The following CEP350 variants were observed in gnomAD, a reference collection of about 807,000 sequenced individuals.
The protein encoded by CEP350 is centrosome-associated protein 350.
CEP350 carries 126 observed loss-of-function variants against 331.8 expected under a neutral mutation model. The observed-to-expected ratio is 0.38, with a 90% CI of 0.33 to 0.44. CEP350 has a LOEUF of 0.44. CEP350 is among the 20% of genes least tolerant of loss of function. The probability of loss-of-function intolerance (pLI) is 1.00; values close to 1 mark genes in which losing one functional copy is unlikely to be tolerated. For synonymous variants in CEP350, 1,200 were observed against 1,259.5 expected, an observed-to-expected ratio of 0.95 and a Z score of 1.00; for missense variants, 3,406 against 3,634.6, an observed-to-expected ratio of 0.94 and a Z score of 1.62.
At position 180,093,573 on chromosome 1, in the gene CEP350, A is replaced by G. The variant is rs759492398; in HGVS notation, c.7468A>G (p.Thr2490Ala). The stretch of plus-strand genomic sequence containing the variant: ...ATCCCCTTCCTTGGCTTCAGTTCCT[A>G]CTGCAGACGAGTTATTTGATTTCCA... ...TESPSLASVP[T>A]ADELFDFHIG... The change falls in exon 34 of 38, where the codon ACT becomes GCT. Residue 2490 changes from threonine to alanine, a missense_variant. Coordinates refer to ENST00000367607, the MANE Select transcript of CEP350 (RefSeq NM_014810.5). 1.2e-6 allele frequency: 2 copies of G among 1,613,814 alleles called. No homozygotes were observed. The highest frequency in any genetic ancestry group is 1.3e-5 in the African/African-American group (1 of 74,940).
At chr1:180,078,930 A>T (rs1659402160) in intron 29 of CEP350, among the ~76,000 whole-genome samples, 1 of 152,204 alleles carries the variant, frequency 6.6e-6, no homozygotes, top group South Asian at 2.1e-4. Context: ...CTTTATGAAA[A>T]ACAGTTTGTA....
At chr1:180,057,493 C>G (rs1395030790) in intron 25 of CEP350, among the ~76,000 whole-genome samples, 1 of 150,678 alleles carries the variant, frequency 6.6e-6, no homozygotes, top group Non-Finnish European at 1.5e-5. Flanking sequence ...ATGTGTGCCT[C>G]TATTATTACT....
Position 180,014,099 on chromosome 1 carries a change from T to C in CEP350, c.1646T>C (p.Val549Ala). The part of the protein sequence containing the change: ...STAHTAKQDT[V>A]ELQNQKSSAP... ...GCTCACACTGCAAAGCAAGATACTGTAGAGTTACAGAACCAGAAGTCATCA... is the reference window on the plus strand; with the variant it reads ...GCTCACACTGCAAAGCAAGATACTGCAGAGTTACAGAACCAGAAGTCATCA... The change falls in exon 10 of 38, where the codon GTA becomes GCA. Residue 549 changes from valine (V) to alanine (A), a missense_variant. Transcript: ENST00000367607. The C allele has an allele frequency of 1.2e-6, 2 of 1,611,270 alleles. No individual in the cohort carries two copies. Among genetic ancestry groups the C allele is most frequent in the Non-Finnish European group, 1.7e-6 (2 of 1,178,600 alleles).
At chr1:180,043,461 G>A (rs910731902) in intron 20 of CEP350, among the ~76,000 whole-genome samples, 1 of 152,196 alleles carries the variant, frequency 6.6e-6, no homozygotes, top group Non-Finnish European at 1.5e-5. Context: ...GGGGGTGCCA[G>A]CAGGTCAGAG....
intron 1 of CEP350, among the ~76,000 whole-genome samples, chr1:179,955,856 A>T (rs990407647): frequency 1.3e-5 from 2 of 152,248 alleles, no homozygotes; most frequent in African/African-American, 4.8e-5. Context: ...TGTCAGAAAT[A>T]GTGATCAATA....
intron 1 of CEP350, among the ~76,000 whole-genome samples, chr1:179,964,348 G>C (rs969995080): frequency 6.6e-6 from 1 of 151,940 alleles, no homozygotes; most frequent in Non-Finnish European, 1.5e-5. Context: ...AATAGGAGTC[G>C]TAAGAGTGCA....
intron 27 of CEP350, among the ~76,000 whole-genome samples, chr1:180,066,803 G>C (rs1417500387): frequency 1.3e-5 from 2 of 152,132 alleles, no homozygotes; most frequent in East Asian, 3.8e-4. Flanking sequence ...GCCTATATGG[G>C]CGTACTGTAT....
Position 180,062,300 on chromosome 1 carries a change from A to G in CEP350, c.5343A>G (p.Ile1781Met), listed in dbSNP as rs1398905737. ...RQLILKQQEE[I>M]EKIRQTTIKL... ...TGATTCTTAAACAGCAGGAGGAGAT[A>G]GAAAAGATCCGACAGACCACCATAA... The change falls in exon 26 of 38, where the codon ATA becomes ATG. Residue 1781 changes from isoleucine (I) to methionine (M), a missense_variant. Ile to Met is a conservative substitution (Grantham distance 10). This residue lies in a region of CEP350 where 1,415 missense variants were observed against 1,512.3 expected (regional missense o/e 0.94). Transcript: ENST00000367607. 1.2e-6 allele frequency: 2 copies of G among 1,611,248 alleles called. No individual in the cohort carries two copies. Among genetic ancestry groups the G allele is most frequent in the East Asian group, 4.5e-5 (2 of 44,824 alleles).
intron 3 of CEP350, among the ~76,000 whole-genome samples, 176 bp from the exon 4 acceptor site, chr1:179,990,331 A>G (rs1652963575): frequency 1.3e-5 from 2 of 152,216 alleles, no homozygotes; most frequent in Non-Finnish European, 2.9e-5. Context: ...GCCAGATGTT[A>G]TTATAGCTAA....
intron 30 of CEP350, among the ~76,000 whole-genome samples, chr1:180,082,655 C>A (rs543150704): frequency 6.6e-6 from 1 of 152,236 alleles, no homozygotes; most frequent in Non-Finnish European, 1.5e-5. Context: ...TAAACATTTT[C>A]CAAGGTCTTT....
chr1:180,007,839 C>CGTGT (rs71118426), intron 8 of CEP350, among the ~76,000 whole-genome samples: 12,558 of 140,824 alleles, frequency 0.089, 639 homozygotes, highest in East Asian at 0.14. Context: ...TTTTATGTAT[C>CGTGT]GTGTGTGTGT....
chr1:180,049,756 C>A (rs927482046), intron 22 of CEP350, among the ~76,000 whole-genome samples: 3 of 152,126 alleles, frequency 2.0e-5, no homozygotes, highest in Non-Finnish European at 4.4e-5. Flanking sequence ...GTTGGTCAGG[C>A]TGATCTCGAA....
intron 26 of CEP350, among the ~76,000 whole-genome samples, chr1:180,063,219 CTCACTCTG>C (rs1224407509): frequency 1.7e-5 from 2 of 120,652 alleles, no homozygotes; most frequent in South Asian, 5.4e-4. Context: ...GAGACACGGT[CTCACTCTG>C]TCACCTGGAC....
At chr1:180,016,082 A>T in intron 11 of CEP350, 112 bp downstream of exon 11, 2 of 1,255,792 alleles carry the variant, frequency 1.6e-6, no homozygotes, top group Admixed American at 4.0e-5. Flanking sequence ...AGAGAGGTTT[A>T]TTTACAAATT....
chr1:179,968,011 A>G (rs1365084274), intron 1 of CEP350, among the ~76,000 whole-genome samples: 1 of 152,142 alleles, frequency 6.6e-6, no homozygotes, highest in Non-Finnish European at 1.5e-5. Context: ...CAATGTGGCT[A>G]TATACTGTGC....
At chr1:180,062,483 G>A (rs1658283633) in intron 26 of CEP350, 117 bp downstream of exon 26, 1 of 1,255,344 alleles carries the variant, frequency 8.0e-7, no homozygotes, top group Non-Finnish European at 1.0e-6. Context: ...AATGAACTAG[G>A]ATAAAGTTCT....
chr1:180,042,959 AGTC>A, intron 19 of CEP350, 94 bp from the exon 20 acceptor site: 1 of 1,379,862 alleles, frequency 7.2e-7, no homozygotes, highest in Non-Finnish European at 9.8e-7. Flanking sequence ...CTTGTTCTCA[AGTC>A]AGTGATCTTT....
Position 180,111,056 on chromosome 1 carries a change from T to C in CEP350, c.9249T>C (p.Cys3083=), listed in dbSNP as rs1160474275. 6.2e-7 allele frequency: 1 copy of C among 1,613,926 alleles called. No individual in the cohort carries two copies. The highest frequency in any genetic ancestry group is 8.5e-7 in the Non-Finnish European group (1 of 1,179,884). ...QWVNYDEDEL[C]VKMQLADGIF... is the part of the protein sequence containing the mutation. ...TGAACTATGATGAGGATGAGTTGTG[T>C]GTGAAAATGCAGCTAGCCGACGGGA... The change falls in exon 38 of 38, where the codon TGT becomes TGC. Residue 3083 remains cysteine, a synonymous_variant. Coordinates refer to ENST00000367607, the MANE Select transcript of CEP350 (RefSeq NM_014810.5).
At chr1:180,073,151 T>C (rs1352144677) in intron 27 of CEP350, among the ~76,000 whole-genome samples, 2 of 152,192 alleles carry the variant, frequency 1.3e-5, no homozygotes, top group African/African-American at 2.4e-5. Flanking sequence ...TGATATCTTA[T>C]AGAATGGATA....
Sources: allele counts gnomAD v4.1 joint callset (sites outside exome capture counted in the v4.1 genomes callset), GRCh38; gene constraint gnomAD v4.1.1; regional missense constraint gnomAD v4.1.1; transcripts MANE v1.5; gene names NCBI Gene and HGNC (gene_info 2026-07-23, HGNC 2026-07-21).